The following CLVS1 variants were observed in gnomAD, a reference collection of about 807,000 sequenced individuals.
CLVS1 encodes clavesin-1.
In CLVS1, 10 loss-of-function variants were observed where a neutral mutation model predicts 33.1. That is an observed-to-expected ratio of 0.30 (90% confidence interval 0.19 to 0.51). CLVS1 has a LOEUF of 0.51. Ranked by LOEUF, CLVS1 falls within the 20% of genes least tolerant of loss-of-function variation. The pLI, the probability that CLVS1 is intolerant of heterozygous loss-of-function variation, is 0.97. For missense variants in CLVS1, 343 were observed against 433.4 expected, an observed-to-expected ratio of 0.79 and a Z score of 1.85; for synonymous variants, 163 against 166.1, an observed-to-expected ratio of 0.98 and a Z score of 0.14.
chr8:61,475,840 C>T (rs1817905828), intron 5 of CLVS1, among the ~76,000 whole-genome samples: 1 of 152,122 alleles, frequency 6.6e-6, no homozygotes, highest in South Asian at 2.1e-4. Context: ...GTTGCCATTG[C>T]TTTTGGTGTT....
intron 3 of CLVS1, among the ~76,000 whole-genome samples, chr8:61,382,368 G>A (rs1813915132): frequency 6.6e-6 from 1 of 152,130 alleles, no homozygotes. Context: ...CTTCTAAACA[G>A]GAGTACAGCA....
rs547987815 is a variant in CLVS1, at chr8:61,272,953, C to T, written c.-151-26724C>T. 1.3e-4 allele frequency among the ~76,000 whole-genome samples: 19 copies of T among 149,924 alleles called. No homozygotes were observed. The South Asian group carries it at 3.0e-3, about 24-fold the overall frequency. ...CTTTGGTTTGAATGTCCTCCCGTAG[C>T]TCAGAGTAATTTGATCGTCTGAAGC... On this transcript the variant is annotated intron_variant, in intron 2 of 2. Transcript: ENST00000522621.
the CLVS1 span, among the ~76,000 whole-genome samples, chr8:61,041,130 A>G: frequency 1.3e-5 from 2 of 152,060 alleles, no homozygotes; most frequent in Non-Finnish European, 1.5e-5. Flanking sequence ...TTTGTTAAAG[A>G]TCATTTGGTG....
intron 5 of CLVS1, among the ~76,000 whole-genome samples, chr8:61,471,877 T>A (rs1478237748): frequency 6.6e-6 from 1 of 152,224 alleles, no homozygotes; most frequent in East Asian, 1.9e-4. Context: ...GAAGTCATAA[T>A]GATGCTTCTC....
At chr8:61,388,533 A>G (rs1037782117) in intron 3 of CLVS1, among the ~76,000 whole-genome samples, 4 of 152,064 alleles carry the variant, frequency 2.6e-5, no homozygotes, top group Admixed American at 6.5e-5. Context: ...CAGCAGTTGT[A>G]TCTCCTAAAA....
intron 2 of CLVS1, among the ~76,000 whole-genome samples, chr8:61,138,261 A>G (rs545779123): frequency 6.6e-6 from 1 of 152,340 alleles, no homozygotes; most frequent in Non-Finnish European, 1.5e-5. Context: ...AGTATTACCA[A>G]CAACAGAGAT....
intron 1 of CLVS1, chr8:61,090,914 A>G (rs767443019): frequency 3.9e-6 from 2 of 518,816 alleles, no homozygotes; most frequent in Non-Finnish European, 7.7e-6. Flanking sequence ...ATGTTGGGGG[A>G]CCTTGAAATG....
intron 2 of CLVS1, among the ~76,000 whole-genome samples, chr8:61,221,638 A>T (rs1249880589): frequency 1.3e-5 from 2 of 152,098 alleles, no homozygotes; most frequent in African/African-American, 4.8e-5. Flanking sequence ...TATTGGCCTG[A>T]AGTGTCCTCT....
chr8:61,424,893 T>C (rs1172534124), intron 3 of CLVS1, among the ~76,000 whole-genome samples: 2 of 152,232 alleles, frequency 1.3e-5, no homozygotes, highest in South Asian at 4.1e-4. Flanking sequence ...AAATTATCTC[T>C]TTCTCCTTGC....
At chr8:61,360,824 T>C (rs1167322388) in intron 2 of CLVS1, among the ~76,000 whole-genome samples, 3 of 152,216 alleles carry the variant, frequency 2.0e-5, no homozygotes, top group Non-Finnish European at 4.4e-5. Flanking sequence ...ATAAATGCTA[T>C]AGTTGATTTT....
At chr8:60,997,088 G>A in the CLVS1 span, among the ~76,000 whole-genome samples, 4 of 152,068 alleles carry the variant, frequency 2.6e-5, no homozygotes, top group Non-Finnish European at 5.9e-5. Context: ...TTTGGATTTT[G>A]GGAAAAAATA....
intron 2 of CLVS1, among the ~76,000 whole-genome samples, chr8:61,338,127 C>A (rs540434546): frequency 1.3e-5 from 2 of 152,222 alleles, no homozygotes; most frequent in South Asian, 4.2e-4. Context: ...ACTTGGAGCC[C>A]AGCGCGATCC....
chr8:61,123,130 G>T lies in CLVS1; in HGVS notation c.-242-8640G>T, dbSNP rs189887566. 2.3e-3 allele frequency among the ~76,000 whole-genome samples: 328 copies of T among 142,912 alleles called. 40 individuals are homozygous for T. Among genetic ancestry groups the T allele is most frequent in the African/African-American group, 8.1e-3 (319 of 39,302 alleles). The allele number at this position is 142,912 out of a possible 152,430, so 93.8% of individuals were successfully genotyped here. ...ACTAAAGATACAAAATTAGCCGGGG[G>T]TGGTGGTACATGCCTGTAATCCCAG... On this transcript the variant is annotated intron_variant, in intron 1 of 2. Coordinates refer to the CLVS1 transcript ENST00000522621.
rs1804488669 is a variant in CLVS1 at position 61,499,588 on chromosome 8, T to C, written c.*46T>C. 3 of 1,455,500 alleles carry C rather than the reference T, an allele frequency of 2.1e-6. No individual in the cohort carries two copies. Among genetic ancestry groups the C allele is most frequent in the African/African-American group, 2.8e-5 (2 of 71,778 alleles). 90.2% of individuals were successfully genotyped at this position (1,455,500 alleles called of 1,614,324 possible). ...TCCTGCACACTGGCCTTCAGTGGTA[T>C]CAGCCACCCAGGAAGCACATGCACA... is the stretch of plus-strand genomic sequence containing the variant. On this transcript the variant is annotated 3_prime_UTR_variant, in exon 6 of 6. Transcript: ENST00000325897.
At chr8:61,365,862 C>G (rs553595394) in intron 2 of CLVS1, among the ~76,000 whole-genome samples, 12 of 152,196 alleles carry the variant, frequency 7.9e-5, no homozygotes, top group African/African-American at 1.2e-4. Context: ...TGGTGACCTA[C>G]TGCCTGCTTT....
chr8:61,158,297 A>T (rs528307045), intron 2 of CLVS1, among the ~76,000 whole-genome samples: 2 of 152,262 alleles, frequency 1.3e-5, no homozygotes, highest in African/African-American at 2.4e-5. Flanking sequence ...TGAAAATCAG[A>T]TCAGTGGCTA....
rs1242132111 is a variant in CLVS1, at chr8:61,256,410, G to A, written c.-151-43267G>A. ...CACCTGTAGTCCCAGCTACTTGAAA[G>A]GCTGAGGCAGGAGAATGGCGTGAAC... On this transcript the variant is annotated intron_variant, in intron 2 of 2. Transcript: ENST00000522621. Among the ~76,000 whole-genome samples, 3 of 152,188 alleles carry A rather than the reference G, an allele frequency of 2.0e-5. No individual in the cohort carries two copies. The East Asian group carries it at 5.8e-4, about 29-fold the overall frequency.
intron 2 of CLVS1, among the ~76,000 whole-genome samples, chr8:61,188,923 T>C (rs984558949): frequency 6.6e-6 from 1 of 152,102 alleles, no homozygotes; most frequent in Non-Finnish European, 1.5e-5. Context: ...AGATGAAAGA[T>C]GATAAATTAC....
In CLVS1 at chr8:61,299,870, A is replaced by T. The variant is rs769664828; in HGVS notation, c.43A>T (p.Thr15Ser). Residue 15 changes from threonine (T) to serine (S), a missense_variant, in exon 2 of 6, where the codon ACT (threonine) becomes TCT (serine). By Grantham distance (58) the Thr-to-Ser change is moderately conservative. Around this residue, in one of 4 missense-constraint regions of CLVS1, gnomAD observed 88 missense variants for 77.3 expected, o/e 1.14. Coordinates refer to ENST00000325897, the MANE Select transcript of CLVS1 (RefSeq NM_173519.3). ...SLLPKYQKLN[T>S]WNGDLAKMTH... is the part of the protein sequence containing the mutation. Reference sequence around the variant, plus strand: ...TCTTCCAAAATATCAGAAGTTAAACACTTGGAACGGAGATTTGGCCAAGAT... The same window carrying T: ...TCTTCCAAAATATCAGAAGTTAAACTCTTGGAACGGAGATTTGGCCAAGAT... The T allele has an allele frequency of 1.2e-6, 2 of 1,613,450 alleles. No individual in the cohort carries two copies. Among genetic ancestry groups the T allele is most frequent in the Admixed American group, 3.3e-5 (2 of 59,950 alleles).
Sources: gnomAD v4.1 joint callset for allele counts (sites outside exome capture counted in the v4.1 genomes callset) on GRCh38, gnomAD v4.1.1 for gene constraint, gnomAD v4.1.1 regional missense constraint, MANE v1.5 for transcripts, NCBI Gene and HGNC (gene_info 2026-07-23, HGNC 2026-07-21) for gene names.